Variants in RUNDC3B observed in about 807,000 individuals in gnomAD.
RUNDC3B encodes RUN domain-containing protein 3B.
A neutral mutation model predicts 58.4 loss-of-function variants in RUNDC3B; 33 were observed. That is an observed-to-expected ratio of 0.56 (90% CI 0.43 to 0.75). The LOEUF is 0.75. RUNDC3B is among the 30% of genes least tolerant of loss of function. RUNDC3B has a pLI of 0.00. For synonymous variants in RUNDC3B, 193 were observed against 195.2 expected (o/e 0.99, Z 0.10); for missense variants, 501 against 535.7 (o/e 0.94, Z 0.64).
At chr7:87,713,303 A>G (rs2130752199) in intron 4 of RUNDC3B, 1 of 152,280 alleles carries the variant, frequency 6.6e-6, no homozygotes, top group Middle Eastern at 3.4e-3. Flanking sequence ...GATAGCCTTT[A>G]AAATGGTAAT....
intron 7 of RUNDC3B, among the ~76,000 whole-genome samples, chr7:87,776,210 C>T (rs1834614716): frequency 6.6e-6 from 1 of 152,000 alleles, no homozygotes; most frequent in South Asian, 2.1e-4. Flanking sequence ...CTAGATATAT[C>T]TCCTCGAAAC....
At chr7:87,689,570 A>G (rs1394675347) in intron 2 of RUNDC3B, among the ~76,000 whole-genome samples, 1 of 152,158 alleles carries the variant, frequency 6.6e-6, no homozygotes, top group African/African-American at 2.4e-5. Context: ...TTAATTAGCT[A>G]ATATTGCTAA....
chr7:87,744,531 C>T (rs1243411335), intron 6 of RUNDC3B, among the ~76,000 whole-genome samples: 1 of 152,006 alleles, frequency 6.6e-6, no homozygotes, highest in Non-Finnish European at 1.5e-5. Flanking sequence ...CTTTCAACTC[C>T]TTGGTTGAAT....
intron 1 of RUNDC3B, among the ~76,000 whole-genome samples, chr7:87,629,982 C>A (rs1821044540): frequency 6.6e-6 from 1 of 151,232 alleles, no homozygotes; most frequent in East Asian, 1.9e-4. Context: ...TGGTTTTTAA[C>A]ATGCTGATAT....
intron 8 of RUNDC3B, among the ~76,000 whole-genome samples, chr7:87,788,703 C>CTTTTTTTT (rs5885597): frequency 4.7e-5 from 6 of 128,290 alleles, no homozygotes; most frequent in Admixed American, 7.8e-5. Flanking sequence ...CTTTTCAAAA[C>CTTTTTTTT]TTTTTTTTTT....
intron 10 of RUNDC3B, 32 bp from the exon 11 acceptor site, chr7:87,829,853 T>C: frequency 6.6e-7 from 1 of 1,504,272 alleles, no homozygotes; most frequent in South Asian, 1.2e-5. Flanking sequence ...TGAAGGGCAA[T>C]TAATTATTTG....
chr7:87,830,135 T>C lies in RUNDC3B; in HGVS notation c.*105T>C. 1.8e-6 allele frequency: 1 copy of C among 543,126 alleles called. No homozygotes were observed. The highest frequency in any genetic ancestry group is 3.0e-6 in the Non-Finnish European group (1 of 334,286). The allele number at this position is 543,126 out of a possible 1,614,324, so 33.6% of individuals were successfully genotyped here. ...ATTTTATATTGTTCTGGTACATGTC[T>C]GAAATTCTATTGCTTGGAGAGAATC... On this transcript the variant is annotated 3_prime_UTR_variant, in exon 11 of 11. Coordinates refer to ENST00000394654, the MANE Select transcript of RUNDC3B (RefSeq NM_001134405.2).
chr7:87,700,512 C>T lies in RUNDC3B; in HGVS notation c.330C>T (p.Cys110=). 1.2e-6 allele frequency: 2 copies of T among 1,613,136 alleles called. No homozygotes were observed. Among genetic ancestry groups the T allele is most frequent in the Non-Finnish European group, 1.7e-6 (2 of 1,179,490 alleles). Residue 110 remains cysteine (C), a synonymous_variant, in exon 3 of 11, where the codon TGC becomes TGT. Coordinates refer to ENST00000394654, the MANE Select transcript of RUNDC3B (RefSeq NM_001134405.2). Reference sequence around the variant, plus strand: ...GGAAAGTTTCACAGAATTGTATCTGCAGCATTGAAAATATGGAAAATGTCA... The same window carrying T: ...GGAAAGTTTCACAGAATTGTATCTGTAGCATTGAAAATATGGAAAATGTCA... ...ACRKVSQNCI[C]SIENMENVSS... is the part of the protein sequence containing the mutation.
chr7:87,755,170 A>G (rs1166311333), intron 6 of RUNDC3B, among the ~76,000 whole-genome samples: 1 of 151,784 alleles, frequency 6.6e-6, no homozygotes, highest in Non-Finnish European at 1.5e-5. Context: ...CTACAAGTGC[A>G]CACCACCACA....
chr7:87,743,046 G>A (rs1345684057), intron 6 of RUNDC3B, among the ~76,000 whole-genome samples: 1 of 151,848 alleles, frequency 6.6e-6, no homozygotes, highest in African/African-American at 2.4e-5. Context: ...CCTGGGAGGC[G>A]GAGGTTGCAG....
At chr7:87,629,077 A>C in intron 1 of RUNDC3B, 132 bp downstream of exon 1, 1 of 879,684 alleles carries the variant, frequency 1.1e-6, no homozygotes, top group Non-Finnish European at 1.5e-6. Context: ...GCGCCAGCCA[A>C]ATCTGTGAGC....
chr7:87,665,847 C>T (rs1405059245), intron 2 of RUNDC3B, among the ~76,000 whole-genome samples: 1 of 152,094 alleles, frequency 6.6e-6, no homozygotes, highest in African/African-American at 2.4e-5. Flanking sequence ...CCAGCTTGAT[C>T]CATGTTGCTG....
intron 2 of RUNDC3B, among the ~76,000 whole-genome samples, chr7:87,685,884 G>T (rs537449781): frequency 6.6e-6 from 1 of 152,054 alleles, no homozygotes; most frequent in Admixed American, 6.5e-5. Context: ...TCCCACTTTC[G>T]ATTATAATAT....
At position 87,628,624 on chromosome 7, in the gene RUNDC3B, T is replaced by TGG. The variant is rs1554445684; in HGVS notation, c.-199_-198dup. The TGG allele has an allele frequency of 3.2e-6, 1 of 316,236 alleles. No individual in the cohort carries two copies. The highest frequency in any genetic ancestry group is 5.6e-6 in the Non-Finnish European group (1 of 178,790). The allele number at this position is 316,236 out of a possible 1,614,324, so 19.6% of individuals were successfully genotyped here. A position where few individuals can be genotyped will look rare whatever the true frequency, so the allele number is the denominator to read the frequency against. ...GTGTGTGTGTGTGTGTGTGTGTGTG[T>TGG]GGAGCTCGGGTGCCAAGGGCGAGCC... is the stretch of plus-strand genomic sequence containing the variant. On this transcript the variant is annotated 5_prime_UTR_variant, in exon 1 of 11. Coordinates refer to ENST00000394654, the MANE Select transcript of RUNDC3B (RefSeq NM_001134405.2).
At chr7:87,654,782 G>T (rs79584784) in intron 2 of RUNDC3B, among the ~76,000 whole-genome samples, 1 of 151,942 alleles carries the variant, frequency 6.6e-6, no homozygotes, top group Non-Finnish European at 1.5e-5. Flanking sequence ...TACAAAAAGG[G>T]AAGAAATATT....
Position 87,724,874 on chromosome 7 carries a change from A to G in RUNDC3B, c.458+14219A>G, listed in dbSNP as rs572221115. Among the ~76,000 whole-genome samples the G allele has an allele frequency of 1.2e-4, 18 of 152,160 alleles. No homozygotes were observed. In the South Asian group the frequency reaches 3.7e-3, roughly 32 times the overall value. ...TTTTACTTGATACATATTATTGAGT[A>G]ATATTTTTGTGATAATTTACTTTTG... On this transcript the variant is annotated intron_variant, in intron 4 of 10. Coordinates refer to ENST00000394654, the MANE Select transcript of RUNDC3B (RefSeq NM_001134405.2).
chr7:87,642,624 T>A (rs1584979716), intron 1 of RUNDC3B, among the ~76,000 whole-genome samples: 1 of 152,024 alleles, frequency 6.6e-6, no homozygotes, highest in East Asian at 1.9e-4. Context: ...ATTTATTTAT[T>A]TATTTAACAT....
intron 3 of RUNDC3B, chr7:87,709,472 T>C (rs538173774): frequency 1.0e-5 from 10 of 985,432 alleles, no homozygotes; most frequent in Non-Finnish European, 1.1e-5. Flanking sequence ...AACAATGGAC[T>C]GAGCACAGGG....
chr7:87,724,989 T>C, intron 4 of RUNDC3B, among the ~76,000 whole-genome samples: 1 of 152,130 alleles, frequency 6.6e-6, no homozygotes, highest in East Asian at 1.9e-4. Flanking sequence ...TTCATATCAA[T>C]AAAAAACAAA....
Sources: allele counts gnomAD v4.1 joint callset (sites outside exome capture counted in the v4.1 genomes callset), GRCh38; gene constraint gnomAD v4.1.1; transcripts MANE v1.5; gene names NCBI Gene and HGNC (gene_info 2026-07-23, HGNC 2026-07-21).